The following UGGT2 variants were observed in gnomAD, a reference collection of about 807,000 sequenced individuals.
UGGT2 encodes UDP-glucose:glycoprotein glucosyltransferase 2.
In UGGT2, 180 loss-of-function variants were observed where a neutral mutation model predicts 192.1. The observed-to-expected ratio is 0.94, with a 90% CI of 0.83 to 1.06. UGGT2 has a LOEUF of 1.06. UGGT2 is among the 50% of genes least tolerant of loss of function. UGGT2 has a pLI of 0.00. For synonymous variants in UGGT2, 580 were observed against 591.0 expected (o/e 0.98, Z 0.27); for missense variants, 1,849 against 1,795.7 (o/e 1.03, Z -0.54).
chr13:95,928,279 C>T (rs1210570565), intron 17 of UGGT2, among the ~76,000 whole-genome samples: 2 of 151,084 alleles, frequency 1.3e-5, no homozygotes, highest in African/African-American at 2.4e-5. Context: ...CTGGACGGGG[C>T]GGCTGGCCGG....
chr13:96,001,734 T>C (rs7331259), intron 5 of UGGT2, among the ~76,000 whole-genome samples: 12 of 152,182 alleles, frequency 7.9e-5, no homozygotes, highest in African/African-American at 2.4e-4. Flanking sequence ...AGATATTTTA[T>C]AGATATCTAC....
Position 95,972,569 on chromosome 13 carries a change from T to A in UGGT2, c.1184+11A>T. ...ACCATAGTTCATTTACAGCAATAAT[T>A]TAATACTTACCTAAAAGCGTCATAA... On this transcript the variant is annotated intron_variant, in intron 11 of 38. Transcript: ENST00000376747. 6.3e-7 allele frequency: 1 copy of A among 1,595,010 alleles called. No homozygotes were observed. The highest frequency in any genetic ancestry group is 8.6e-7 in the Non-Finnish European group (1 of 1,164,672).
intron 23 of UGGT2, among the ~76,000 whole-genome samples, 190 bp downstream of exon 23, chr13:95,894,990 A>G (rs1381609234): frequency 1.3e-5 from 2 of 152,180 alleles, no homozygotes; most frequent in African/African-American, 4.8e-5. Flanking sequence ...CAAGGCAAAG[A>G]AAACATTAAC....
rs975317499 is a variant in UGGT2 at position 95,936,923 on chromosome 13, C to A, written c.1977+1G>T. The A allele has an allele frequency of 2.6e-6, 4 of 1,515,108 alleles. No individual in the cohort carries two copies. In the African/African-American group the frequency reaches 5.7e-5, roughly 22 times the overall value. 93.9% of individuals were successfully genotyped at this position (1,515,108 alleles called of 1,614,324 possible). A position where few individuals can be genotyped will look rare whatever the true frequency, so the allele number is the denominator to read the frequency against. On this transcript the variant is annotated splice_donor_variant, in intron 17 of 38. Transcript: ENST00000376747. LOFTEE classifies it high-confidence loss of function. ...GTATTTTCTTATAAATGCTTACCTA[C>A]CAAAAAAACTTCTCTTTGTAAATAT...
chr13:95,948,400 A>G (rs2049952361), intron 13 of UGGT2, among the ~76,000 whole-genome samples: 2 of 152,144 alleles, frequency 1.3e-5, no homozygotes, highest in Non-Finnish European at 2.9e-5. Flanking sequence ...CTTATTCTAA[A>G]TGTTCATTAG....
rs1025157004 is a variant in UGGT2, at chr13:96,019,373, T to A, written c.485+3667A>T. On this transcript the variant is annotated intron_variant, in intron 4 of 38. Transcript: ENST00000376747. ...AAGAATTCTACACAGGCAGTGGGTA[T>A]GGATCACATCTAAAGAACACTGAAT... Among the ~76,000 whole-genome samples the A allele has an allele frequency of 3.9e-5, 6 of 152,148 alleles. 1 individual carries two copies. The highest frequency in any genetic ancestry group is 8.8e-5 in the Non-Finnish European group (6 of 68,038).
At chr13:95,925,890 C>A in intron 19 of UGGT2, 116 bp from the exon 20 acceptor site, 1 of 609,728 alleles carries the variant, frequency 1.6e-6, no homozygotes, top group South Asian at 4.2e-5. Context: ...TTCTGAAAAG[C>A]AAAGATTTTT....
intron 1 of UGGT2, among the ~76,000 whole-genome samples, chr13:96,039,391 G>A (rs1247793158): frequency 6.6e-6 from 1 of 152,106 alleles, no homozygotes; most frequent in Non-Finnish European, 1.5e-5. Flanking sequence ...TCATTACACG[G>A]ATCCTCCCCA....
At chr13:95,903,694 T>C (rs1228834974) in intron 20 of UGGT2, among the ~76,000 whole-genome samples, 1 of 152,228 alleles carries the variant, frequency 6.6e-6, no homozygotes, top group Non-Finnish European at 1.5e-5. Context: ...CATATGAATA[T>C]ACAGTCTTTT....
At chr13:95,850,306 C>T (rs963093288) in intron 36 of UGGT2, among the ~76,000 whole-genome samples, 9 of 152,062 alleles carry the variant, frequency 5.9e-5, no homozygotes, top group African/African-American at 1.9e-4. Context: ...ATGGCTTGAC[C>T]AATTGGTCAG....
rs1566635287 is a variant in UGGT2 at position 95,884,619 on chromosome 13, CAA to C, written c.3098_3099del (p.Leu1033ArgfsTer11). On this transcript the variant is annotated frameshift_variant, in exon 27 of 39. Coordinates refer to ENST00000376747, the MANE Select transcript of UGGT2 (RefSeq NM_020121.4). LOFTEE classifies it high-confidence loss of function. Reference sequence around the variant, plus strand: ...ATATCCAAAAATTTTGCCACTGGTCCAAGAGAAGAAACGTCATTAGCCCCTGA... The same window carrying C: ...ATATCCAAAAATTTTGCCACTGGTCCGAGAAGAAACGTCATTAGCCCCTGA... Reference protein sequence around the residue: ...LMSGANDVSSLGPVAKFLDIP... With the variant: ...LMSGANDVSSXGPVAKFLDIP... 1.9e-6 allele frequency: 3 copies of C among 1,613,826 alleles called. No homozygotes were observed. Among genetic ancestry groups the C allele is most frequent in the Non-Finnish European group, 2.5e-6 (3 of 1,179,874 alleles).
chr13:95,828,061 G>A (rs955734067), intron 38 of UGGT2, among the ~76,000 whole-genome samples: 10 of 152,074 alleles, frequency 6.6e-5, no homozygotes, highest in Non-Finnish European at 1.3e-4. Flanking sequence ...ACTGCTCAGG[G>A]ACACAGACTT....
intron 20 of UGGT2, among the ~76,000 whole-genome samples, chr13:95,913,231 GA>G (rs2048562646): frequency 6.6e-6 from 1 of 152,110 alleles, no homozygotes; most frequent in Non-Finnish European, 1.5e-5. Context: ...AGCCAAAATT[GA>G]CAAATGGGAT....
At chr13:96,009,015 T>A (rs913296746) in intron 5 of UGGT2, among the ~76,000 whole-genome samples, 1 of 152,124 alleles carries the variant, frequency 6.6e-6, no homozygotes, top group Non-Finnish European at 1.5e-5. Context: ...CAGAACAGAA[T>A]AGACAGCCCA....
chr13:95,941,017 A>G (rs1469545709), intron 15 of UGGT2, among the ~76,000 whole-genome samples: 1 of 152,158 alleles, frequency 6.6e-6, no homozygotes, highest in African/African-American at 2.4e-5. Context: ...TCTTTCTTTA[A>G]TAAGTACTTA....
intron 36 of UGGT2, among the ~76,000 whole-genome samples, chr13:95,849,438 G>A (rs1490128472): frequency 6.6e-6 from 1 of 151,692 alleles, no homozygotes; most frequent in African/African-American, 2.4e-5. Flanking sequence ...AGCTACTCAG[G>A]AGGCTGAGGC....
intron 5 of UGGT2, among the ~76,000 whole-genome samples, chr13:96,004,821 G>C (rs908219541): frequency 1.3e-5 from 2 of 152,028 alleles, no homozygotes; most frequent in African/African-American, 2.4e-5. Context: ...CAGCCACCTA[G>C]TTATGACCTC....
At chr13:95,900,972 T>C (rs1310019725) in intron 21 of UGGT2, 34 bp from the exon 22 acceptor site, 2 of 1,448,548 alleles carry the variant, frequency 1.4e-6, no homozygotes, top group Non-Finnish European at 1.8e-6. Flanking sequence ...GAAACTAATA[T>C]GAGAACAGTA....
intron 4 of UGGT2, among the ~76,000 whole-genome samples, chr13:96,019,252 G>C (rs1267588629): frequency 2.0e-5 from 3 of 150,792 alleles, no homozygotes; most frequent in Non-Finnish European, 4.4e-5. Flanking sequence ...CAAAGAGCTT[G>C]ATTACTTGTG....
Sources: gnomAD v4.1 joint callset for allele counts (sites outside exome capture counted in the v4.1 genomes callset) on GRCh38, gnomAD v4.1.1 for gene constraint, MANE v1.5 for transcripts, NCBI Gene and HGNC (gene_info 2026-07-23, HGNC 2026-07-21) for gene names.